Variants in DDX3X observed in about 807,000 individuals in gnomAD.
The protein encoded by DDX3X is DEAD-box helicase 3 X-linked.
In DDX3X, 4 loss-of-function variants were observed where a neutral mutation model predicts 52.7. The ratio of observed to expected loss-of-function variants is 0.08; its 90% CI spans 0.04 to 0.17. The LOEUF is 0.17. DDX3X is among the 10% of genes least tolerant of loss of function. The probability of loss-of-function intolerance (pLI) is 1.00; values close to 1 mark genes in which losing one functional copy is unlikely to be tolerated. For synonymous variants in DDX3X, 192 were observed against 178.1 expected (o/e 1.08, Z -0.62); for missense variants, 222 against 548.6 (o/e 0.40, Z 5.95).
rs775885529 is a variant in DDX3X at position 41,337,401 on chromosome X, C to T, written c.46-7C>T. On this transcript the variant is annotated splice_polypyrimidine_tract_variant and splice_region_variant and intron_variant, in intron 1 of 16. Transcript: ENST00000644876. ...CATGGGGTGCTAACCATCTCACTCT[C>T]TTCTAGTTTGCTGGCCTAGACCTGA... The T allele has an allele frequency of 1.7e-6, 2 of 1,205,436 alleles. No individual in the cohort carries two copies. Among genetic ancestry groups the T allele is most frequent in the Admixed American group, 2.2e-5 (1 of 45,432 alleles).
At chrX:41,333,821 C>T (rs1163076993), upstream of DDX3X, 3 of 133,937 alleles carry the variant, frequency 2.2e-5, no homozygotes, top group Non-Finnish European at 4.5e-5. Flanking sequence ...CCTAGGTTAA[C>T]ATTTTCAGGC....
At chrX:41,341,966 A>G (rs2063856977) in intron 4 of DDX3X, 2 of 171,454 alleles carry the variant, frequency 1.2e-5, no homozygotes, top group South Asian at 1.2e-4. Flanking sequence ...AACTGACCCC[A>G]CGTGCCTAAT....
intron 5 of DDX3X, among the ~76,000 whole-genome samples, chrX:41,361,610 C>A (rs2064030157): frequency 9.0e-6 from 1 of 111,431 alleles, no homozygotes; most frequent in East Asian, 2.8e-4. Flanking sequence ...CATGGACATG[C>A]TTTAGTCCCT....
chrX:41,360,410 C>T (rs776585790), intron 5 of DDX3X, among the ~76,000 whole-genome samples: 2 of 108,557 alleles, frequency 1.8e-5, no homozygotes, highest in East Asian at 5.8e-4. Context: ...CTGTTTCCTC[C>T]TAGTGGAGGA....
At chrX:41,344,915 G>T (rs761670659) in intron 10 of DDX3X, among the ~76,000 whole-genome samples, 6 of 111,631 alleles carry the variant, frequency 5.4e-5, no homozygotes, top group Non-Finnish European at 9.4e-5. Flanking sequence ...TAACATCTTG[G>T]TTGAGACTTA....
downstream of DDX3X, among the ~76,000 whole-genome samples, chrX:41,353,777 A>G (rs1044118647): frequency 3.7e-5 from 4 of 107,538 alleles, no homozygotes; most frequent in Non-Finnish European, 5.7e-5. Flanking sequence ...TCTCAAAAAA[A>G]AAAAATCTCT....
chrX:41,360,239 G>A (rs1232263073), intron 5 of DDX3X, among the ~76,000 whole-genome samples: 3 of 106,473 alleles, frequency 2.8e-5, no homozygotes, highest in South Asian at 8.7e-4. Flanking sequence ...TTAGCTGGGC[G>A]TGGTGGTGCG....
At chrX:41,345,766 G>C in intron 12 of DDX3X, 2 of 389,483 alleles carry the variant, frequency 5.1e-6, no homozygotes. Flanking sequence ...ACTTAGTGTG[G>C]ACACCTGATA....
At chrX:41,361,577 G>A (rs2064030037) in intron 5 of DDX3X, among the ~76,000 whole-genome samples, 1 of 111,385 alleles carries the variant, frequency 9.0e-6, no homozygotes, top group South Asian at 3.7e-4. Context: ...CCCTTCAGCA[G>A]TACTGTACAC....
At chrX:41,333,487 G>C (rs1236171983), upstream of DDX3X, 1 of 106,526 alleles carries the variant, frequency 9.4e-6, no homozygotes, top group African/African-American at 3.5e-5. Context: ...CCCCCGTCCG[G>C]AGCACTCTAT....
intron 2 of DDX3X, chrX:41,338,230 CAA>C (rs1462976110): frequency 9.0e-6 from 1 of 110,748 alleles, no homozygotes; most frequent in Admixed American, 9.6e-5. Flanking sequence ...CTTATTAAAA[CAA>C]AAGTGAGTAT....
In DDX3X at chrX:41,345,434, A is replaced by G; in HGVS notation, c.1201A>G (p.Ile401Val). 2 of 1,208,531 alleles carry G rather than the reference A, an allele frequency of 1.7e-6. No homozygotes were observed. Among genetic ancestry groups the G allele is most frequent in the Non-Finnish European group, 2.2e-6 (2 of 894,422 alleles). The change falls in exon 12 of 17, where the codon ATC (isoleucine) becomes GTC (valine). Residue 401 changes from isoleucine (I) to valine (V), a missense_variant. By Grantham distance (29) the Ile-to-Val change is conservative. Transcript: ENST00000644876. The stretch of plus-strand genomic sequence containing the variant: ...GGCTCGTGATTTCTTAGATGAATAT[A>G]TCTTCTTGGCTGTAGGAAGAGTTGG... ...MLARDFLDEY[I>V]FLAVGRVGST...
Position 41,343,726 on chromosome X carries a change from T to C in DDX3X, c.680-11T>C, listed in dbSNP as rs1463374308. 8.3e-7 allele frequency: 1 copy of C among 1,203,652 alleles called. No homozygotes were observed. The highest frequency in any genetic ancestry group is 3.0e-5 in the East Asian group (1 of 33,790). On this transcript the variant is annotated splice_polypyrimidine_tract_variant and intron_variant, in intron 7 of 16. Coordinates refer to ENST00000644876, the MANE Select transcript of DDX3X (RefSeq NM_001356.5). The stretch of plus-strand genomic sequence containing the variant: ...GTAATGAGCAGGATTTGTTTGTTTG[T>C]TTTTGAACAGGGTCTGGAAAAACTG...
At chrX:41,335,384 C>T (rs2063750693) in intron 1 of DDX3X, 1 of 110,387 alleles carries the variant, frequency 9.1e-6, no homozygotes, top group Non-Finnish European at 1.9e-5. Flanking sequence ...GGAGTAGAAT[C>T]TTGCAATGGG....
In DDX3X at chrX:41,334,483, G is replaced by T; in HGVS notation, c.45+186G>T. 12 of 1,096,629 alleles carry T rather than the reference G, an allele frequency of 1.1e-5. No individual in the cohort carries two copies. The South Asian group carries it at 2.7e-4, about 25-fold the overall frequency. The allele number at this position is 1,096,629 out of a possible 1,213,427, so 90.4% of individuals were successfully genotyped here. Reference sequence around the variant, plus strand: ...TTGGTTGGGGCTGTCGCCCGGGCCCGGTCTCGGCCCGCTGTATTGTCCCCG... The same window carrying T: ...TTGGTTGGGGCTGTCGCCCGGGCCCTGTCTCGGCCCGCTGTATTGTCCCCG... On this transcript the variant is annotated intron_variant, in intron 1 of 16. Coordinates refer to ENST00000644876, the MANE Select transcript of DDX3X (RefSeq NM_001356.5).
Position 41,341,580 on chromosome X carries a change from GCTT to G in DDX3X, c.253_255del (p.Phe85del), listed in dbSNP as rs761693623. ...CGTAGTGATTCAAGAGGGAAGTCTA[GCTT>G]CTTCAGTGATCGTGGAAGTGGATCA... On this transcript the variant is annotated inframe_deletion, in exon 4 of 17. Coordinates refer to ENST00000644876, the MANE Select transcript of DDX3X (RefSeq NM_001356.5). 7.4e-6 allele frequency: 9 copies of G among 1,210,968 alleles called. No individual in the cohort carries two copies. Among genetic ancestry groups the G allele is most frequent in the Non-Finnish European group, 7.8e-6 (7 of 894,843 alleles).
At chrX:41,354,896 G>T (rs752302751), downstream of DDX3X, among the ~76,000 whole-genome samples, 3 of 109,246 alleles carry the variant, frequency 2.7e-5, no homozygotes, top group Non-Finnish European at 5.7e-5. Flanking sequence ...GCAGTGGTGC[G>T]ATCTCGGCTC....
At chrX:41,361,772 A>G (rs1249648864) in intron 5 of DDX3X, among the ~76,000 whole-genome samples, 1 of 111,569 alleles carries the variant, frequency 9.0e-6, no homozygotes, top group Non-Finnish European at 1.9e-5. Context: ...TGCCCGGCCT[A>G]CTTAAGTATT....
rs753917028 is a variant in DDX3X, at chrX:41,342,630, C to T, written c.420C>T (p.Leu140=). ...ATGAAGATGATTGGTCAAAACCACT[C>T]CCACCAAGTGAACGCTTGGAACAGT... ...KSDEDDWSKP[L]PPSERLEQEL... is the part of the protein sequence containing the mutation. Residue 140 remains leucine (L), a synonymous_variant, in exon 5 of 17, where the codon CTC becomes CTT. Transcript: ENST00000644876. 5.8e-6 allele frequency: 7 copies of T among 1,210,004 alleles called. No homozygotes were observed. Among genetic ancestry groups the T allele is most frequent in the Non-Finnish European group, 6.7e-6 (6 of 895,243 alleles).
Sources: allele counts gnomAD v4.1 joint callset (sites outside exome capture counted in the v4.1 genomes callset), GRCh38; gene constraint gnomAD v4.1.1; transcripts MANE v1.5; gene names NCBI Gene and HGNC (gene_info 2026-07-23, HGNC 2026-07-21).